MOSPD1: variants seen among roughly 807,000 people sequenced by gnomAD.
MOSPD1 encodes motile sperm domain containing 1, also known as motile sperm domain-containing protein 1.
Under a neutral mutation model 16.7 loss-of-function variants are expected in MOSPD1, and 5 were observed. The ratio of observed to expected loss-of-function variants is 0.30; its 90% CI spans 0.16 to 0.63. The LOEUF is 0.63. Ranked by LOEUF, MOSPD1 falls within the 30% of genes least tolerant of loss-of-function variation. The pLI is 0.82. For missense variants in MOSPD1, 104 were observed against 153.6 expected (o/e 0.68, Z 1.71); for synonymous variants, 67 against 59.2 (o/e 1.13, Z -0.61).
intron 3 of MOSPD1, among the ~76,000 whole-genome samples, chrX:134,897,693 A>G (rs2082892959): frequency 9.2e-6 from 1 of 108,955 alleles, no homozygotes; most frequent in Non-Finnish European, 1.9e-5. Context: ...ATAAATTTCT[A>G]TTGCTACTTA....
intron 1 of MOSPD1, among the ~76,000 whole-genome samples, chrX:134,907,602 C>T (rs1181493846): frequency 1.8e-5 from 2 of 112,429 alleles, no homozygotes; most frequent in African/African-American, 6.5e-5. Flanking sequence ...CAGTGGCTCA[C>T]GCCTGTAATC....
At chrX:134,899,256 A>G (rs1370377700) in intron 2 of MOSPD1, 24 bp downstream of exon 2, 1 of 1,179,720 alleles carries the variant, frequency 8.5e-7, no homozygotes, top group East Asian at 3.0e-5. Flanking sequence ...TTAAAAACCC[A>G]GAAAATAGAG....
chrX:134,889,084 G>C lies in MOSPD1; in HGVS notation c.*77C>G. 1 of 736,172 alleles carries C rather than the reference G, an allele frequency of 1.4e-6. No homozygotes were observed. Among genetic ancestry groups the C allele is most frequent in the Non-Finnish European group, 2.0e-6 (1 of 489,948 alleles). 60.7% of individuals were successfully genotyped at this position (736,172 alleles called of 1,213,427 possible). ...CAATAGTTTGTTGCATGTTAATGGA[G>C]TGAAATAGAGATAAAAGGCAGTCCA... is the stretch of plus-strand genomic sequence containing the variant. On this transcript the variant is annotated 3_prime_UTR_variant, in exon 6 of 6. Coordinates refer to ENST00000370783, the MANE Select transcript of MOSPD1 (RefSeq NM_019556.3).
At chrX:134,914,826 G>C (rs889147992) in intron 1 of MOSPD1, among the ~76,000 whole-genome samples, 1 of 112,527 alleles carries the variant, frequency 8.9e-6, no homozygotes, top group African/African-American at 3.2e-5. Context: ...CCGAAGAGTT[G>C]TCCCGCGAGC....
chrX:134,899,958 A>G (rs1276392451), intron 1 of MOSPD1: 2 of 111,688 alleles, frequency 1.8e-5, no homozygotes, highest in Non-Finnish European at 3.8e-5. Context: ...TCCGACTCAA[A>G]AAAAGTCCCC....
At chrX:134,895,223 G>C (rs1308497782) in intron 4 of MOSPD1, among the ~76,000 whole-genome samples, 2 of 110,453 alleles carry the variant, frequency 1.8e-5, no homozygotes, top group Non-Finnish European at 3.8e-5. Flanking sequence ...TACTCGGGAG[G>C]CTGAGGCAGG....
intron 3 of MOSPD1, 77 bp downstream of exon 3, chrX:134,899,013 A>T: frequency 2.2e-6 from 2 of 889,767 alleles, no homozygotes; most frequent in Non-Finnish European, 3.2e-6. Flanking sequence ...CTTCAAGAAA[A>T]TATCTTTTTT....
At chrX:134,912,088 T>C (rs1413168065) in intron 1 of MOSPD1, among the ~76,000 whole-genome samples, 3 of 112,615 alleles carry the variant, frequency 2.7e-5, no homozygotes, top group Non-Finnish European at 5.6e-5. Context: ...TTCGCTCTTA[T>C]TGCCCAGGCT....
At chrX:134,902,619 C>T (rs1324933882) in intron 1 of MOSPD1, among the ~76,000 whole-genome samples, 1 of 108,335 alleles carries the variant, frequency 9.2e-6, no homozygotes, top group Non-Finnish European at 1.9e-5. Context: ...ATGGCAAAAT[C>T]CTGTCTCTAC....
In MOSPD1 at chrX:134,888,998, C is replaced by T. The variant is rs1471508934; in HGVS notation, c.*163G>A. 1 of 279,445 alleles carries T rather than the reference C, an allele frequency of 3.6e-6. No homozygotes were observed. Among genetic ancestry groups the T allele is most frequent in the African/African-American group, 2.8e-5 (1 of 35,539 alleles). The allele number at this position is 279,445 out of a possible 1,213,427, so 23.0% of individuals were successfully genotyped here. On this transcript the variant is annotated 3_prime_UTR_variant, in exon 6 of 6. Coordinates refer to ENST00000370783, the MANE Select transcript of MOSPD1 (RefSeq NM_019556.3). The stretch of plus-strand genomic sequence containing the variant: ...TGTCTGTAAAATAATGTTCTGCAGT[C>T]CTTCAAATTAAATTATAATTTAAAA...
At chrX:134,901,521 G>A (rs1040750265) in intron 1 of MOSPD1, among the ~76,000 whole-genome samples, 5 of 110,163 alleles carry the variant, frequency 4.5e-5, no homozygotes, top group African/African-American at 1.6e-4. Flanking sequence ...ATAGTGGCGG[G>A]TGCCTGTAAT....
At chrX:134,890,706 G>A (rs898108970) in intron 5 of MOSPD1, among the ~76,000 whole-genome samples, 2 of 111,017 alleles carry the variant, frequency 1.8e-5, no homozygotes, top group Non-Finnish European at 3.8e-5. Flanking sequence ...TACTCGGGAG[G>A]CTGAGGCAGG....
At chrX:134,895,478 T>C (rs1209016863) in intron 4 of MOSPD1, among the ~76,000 whole-genome samples, 1 of 111,882 alleles carries the variant, frequency 8.9e-6, no homozygotes, top group East Asian at 2.8e-4. Context: ...TCTTACTCCT[T>C]ATTATTCTTG....
chrX:134,911,462 G>T (rs1279430146), intron 1 of MOSPD1, among the ~76,000 whole-genome samples: 1 of 111,905 alleles, frequency 8.9e-6, no homozygotes. Context: ...GTAATTCTGT[G>T]GAATATACTA....
chrX:134,898,947 G>A (rs776795349), intron 3 of MOSPD1, 143 bp downstream of exon 3: 13 of 484,632 alleles, frequency 2.7e-5, no homozygotes, highest in Middle Eastern at 6.3e-4. Flanking sequence ...AAACAATTTC[G>A]ATAGACAAAC....
intron 3 of MOSPD1, among the ~76,000 whole-genome samples, chrX:134,897,708 T>C (rs1162758794): frequency 9.8e-6 from 1 of 101,673 alleles, no homozygotes; most frequent in Non-Finnish European, 2.1e-5. Context: ...TACTTACTTA[T>C]TGTTTAGGCA....
chrX:134,912,144 G>C (rs2082974519), intron 1 of MOSPD1, among the ~76,000 whole-genome samples: 1 of 112,149 alleles, frequency 8.9e-6, no homozygotes, highest in Non-Finnish European at 1.9e-5. Context: ...TCTGCTCCCA[G>C]ATTCGAGCGA....
chrX:134,899,201 T>C, intron 2 of MOSPD1, 36 bp from the exon 3 acceptor site: 2 of 1,175,324 alleles, frequency 1.7e-6, no homozygotes, highest in Non-Finnish European at 2.3e-6. Context: ...TTAGTGTTTT[T>C]TTTTTTTAAT....
chrX:134,902,424 T>TAAATAAATAAATAAATAAAA (rs1253264681), intron 1 of MOSPD1, among the ~76,000 whole-genome samples: 1 of 109,380 alleles, frequency 9.1e-6, no homozygotes, highest in African/African-American at 3.3e-5. Flanking sequence ...AATAAATAAA[T>TAAATAAATAAATAAATAAAA]AAAACAAAAA....
Sources: allele counts gnomAD v4.1 joint callset (sites outside exome capture counted in the v4.1 genomes callset), GRCh38; gene constraint gnomAD v4.1.1; transcripts MANE v1.5; gene names NCBI Gene and HGNC (gene_info 2026-07-23, HGNC 2026-07-21).